IL23R: variants seen among roughly 807,000 people sequenced by gnomAD.
IL23R encodes the protein interleukin 23 receptor.
In IL23R, 34 loss-of-function variants were observed where a neutral mutation model predicts 56.9. That is an observed-to-expected ratio of 0.60 (90% CI 0.45 to 0.80). The LOEUF is 0.80. Ranked by LOEUF, IL23R falls within the 30% of genes least tolerant of loss-of-function variation. The pLI is 0.00. For missense variants in IL23R, 635 were observed against 730.0 expected (o/e 0.87, Z 1.50); for synonymous variants, 230 against 249.2 (o/e 0.92, Z 0.73).
chr1:67,229,223 T>C (rs1425283248), intron 7 of IL23R, among the ~76,000 whole-genome samples: 1 of 152,224 alleles, frequency 6.6e-6, no homozygotes, highest in African/African-American at 2.4e-5. Flanking sequence ...TGTTTCCTGA[T>C]CTTTTTTTCA....
At chr1:67,251,248 C>T (rs189226974) in intron 9 of IL23R, among the ~76,000 whole-genome samples, 5 of 152,164 alleles carry the variant, frequency 3.3e-5, no homozygotes, top group South Asian at 2.1e-4. Context: ...GTCAGCAGAT[C>T]GAGACCATCC....
intron 7 of IL23R, among the ~76,000 whole-genome samples, chr1:67,229,268 T>G (rs1650940280): frequency 6.6e-6 from 1 of 152,160 alleles, no homozygotes. Context: ...CCCACAGAAC[T>G]TGGGAAAACA....
At chr1:67,149,903 C>A (rs1646713320) in intron 1 of IL23R, among the ~76,000 whole-genome samples, 1 of 152,024 alleles carries the variant, frequency 6.6e-6, no homozygotes, top group African/African-American at 2.4e-5. Context: ...ACTACTTTTC[C>A]AATCATAAAT....
intron 1 of IL23R, among the ~76,000 whole-genome samples, chr1:67,142,698 T>G (rs886774500): frequency 4.6e-5 from 7 of 152,194 alleles, no homozygotes; most frequent in African/African-American, 1.7e-4. Context: ...TACAAGTAGC[T>G]GGGACCACAG....
At chr1:67,165,158 G>A (rs1027975687), upstream of IL23R, among the ~76,000 whole-genome samples, 3 of 152,078 alleles carry the variant, frequency 2.0e-5, no homozygotes, top group Admixed American at 6.6e-5. Context: ...GCAGTGAGCC[G>A]TAATCACGCC....
At chr1:67,205,658 C>T (rs1648950342) in intron 5 of IL23R, among the ~76,000 whole-genome samples, 1 of 152,186 alleles carries the variant, frequency 6.6e-6, no homozygotes, top group Admixed American at 6.5e-5. Context: ...ATTTCAGTTC[C>T]TTCTGTGAAG....
chr1:67,185,163 A>G (rs1242119306), intron 4 of IL23R, among the ~76,000 whole-genome samples: 1 of 152,196 alleles, frequency 6.6e-6, no homozygotes, highest in Non-Finnish European at 1.5e-5. Flanking sequence ...AGCTGCATAC[A>G]ATTATTTTTC....
In IL23R at chr1:67,144,528, C is replaced by T. The variant is rs184949428; in HGVS notation, c.-634+5367C>T. ...TACTTAAAATGACTTATTTTAAAAC[C>T]CCATGAACAAAATTTAATTGAAAGT... On this transcript the variant is annotated intron_variant, in intron 1 of 10. Transcript: ENST00000637002. Among the ~76,000 whole-genome samples the T allele has an allele frequency of 3.3e-3, 509 of 152,126 alleles. 3 individuals carry two copies. Among genetic ancestry groups the T allele is most frequent in the African/African-American group, 0.012 (487 of 41,498 alleles).
At chr1:67,184,727 G>A (rs1334501245) in intron 4 of IL23R, among the ~76,000 whole-genome samples, 1 of 151,782 alleles carries the variant, frequency 6.6e-6, no homozygotes, top group Non-Finnish European at 1.5e-5. Flanking sequence ...TGTTTGCCAA[G>A]CACTGGGCCA....
At chr1:67,193,287 T>G (rs959422971) in intron 4 of IL23R, among the ~76,000 whole-genome samples, 1 of 152,212 alleles carries the variant, frequency 6.6e-6, no homozygotes, top group Non-Finnish European at 1.5e-5. Flanking sequence ...TCCGCTTTAG[T>G]TTTCTTCTGA....
intron 1 of IL23R, among the ~76,000 whole-genome samples, chr1:67,140,571 C>T (rs752880341): frequency 1.3e-5 from 2 of 152,106 alleles, no homozygotes; most frequent in Non-Finnish European, 2.9e-5. Context: ...CACATCTATG[C>T]TCTACTGGTT....
chr1:67,180,540 T>C (rs1220054254), intron 3 of IL23R, among the ~76,000 whole-genome samples: 3 of 152,352 alleles, frequency 2.0e-5, no homozygotes, highest in South Asian at 4.1e-4. Flanking sequence ...GTTTCCTGAA[T>C]ACAGCACGCT....
intron 9 of IL23R, among the ~76,000 whole-genome samples, chr1:67,251,215 G>C (rs1652586051): frequency 6.6e-6 from 1 of 152,176 alleles, no homozygotes. Context: ...CACTTTGGGA[G>C]GCCGAGCTAG....
At chr1:67,237,739 T>G (rs1379350356) in intron 8 of IL23R, among the ~76,000 whole-genome samples, 4 of 152,196 alleles carry the variant, frequency 2.6e-5, no homozygotes, top group African/African-American at 9.7e-5. Context: ...AAATAGAAAT[T>G]TCGAGTTGAA....
At chr1:67,218,356 G>A (rs56039377) in intron 6 of IL23R, among the ~76,000 whole-genome samples, 94,611 of 136,180 alleles carry the variant, frequency 0.69, 32,722 homozygotes, top group East Asian at 0.9. Flanking sequence ...GTGTGTGTGT[G>A]TGTATATATA....
At chr1:67,246,160 C>G (rs1652208201) in intron 9 of IL23R, among the ~76,000 whole-genome samples, 1 of 152,076 alleles carries the variant, frequency 6.6e-6, no homozygotes. Flanking sequence ...GGTGATATCT[C>G]CTTTATCATT....
rs1451284827 is a variant in IL23R, at chr1:67,189,395, C to T, written c.491+6436C>T. On this transcript the variant is annotated intron_variant, in intron 4 of 10. Coordinates refer to ENST00000347310, the MANE Select transcript of IL23R (RefSeq NM_144701.3). ...TTTTATAAATTATTTTTCCCATCTT[C>T]TTTCTTAAAATCCAACAATAAACTA... 3.9e-5 allele frequency among the ~76,000 whole-genome samples: 6 copies of T among 152,238 alleles called. No individual in the cohort carries two copies. The East Asian group carries it at 9.6e-4, about 24-fold the overall frequency.
intron 9 of IL23R, among the ~76,000 whole-genome samples, chr1:67,252,382 C>G (rs1355084561): frequency 6.6e-6 from 1 of 152,190 alleles, no homozygotes; most frequent in Non-Finnish European, 1.5e-5. Context: ...TAAGAGGCCT[C>G]TAATTGGATC....
chr1:67,232,507 A>T (rs576721729), intron 7 of IL23R, among the ~76,000 whole-genome samples: 4 of 152,324 alleles, frequency 2.6e-5, no homozygotes, highest in Admixed American at 6.5e-5. Flanking sequence ...ACTACATGTC[A>T]GAACTGGATG....
Sources: allele counts gnomAD v4.1 joint callset (sites outside exome capture counted in the v4.1 genomes callset), GRCh38; gene constraint gnomAD v4.1.1; transcripts MANE v1.5; gene names NCBI Gene and HGNC (gene_info 2026-07-23, HGNC 2026-07-21).